The following KCNK9 variants were observed in gnomAD, a reference collection of about 807,000 sequenced individuals.
KCNK9 encodes the protein potassium channel subfamily K member 9.
Under a neutral mutation model 10.8 loss-of-function variants are expected in KCNK9, and 1 was observed. The observed-to-expected ratio is 0.09, with a 90% CI of 0.03 to 0.44. The LOEUF (loss-of-function observed/expected upper bound fraction) is 0.44. KCNK9 is among the 20% of genes least tolerant of loss of function. The pLI is 0.97. For missense variants in KCNK9, 303 were observed against 515.0 expected (o/e 0.59, Z 3.98); for synonymous variants, 231 against 222.7 (o/e 1.04, Z -0.33).
chr8:139,696,477 T>C lies in KCNK9; in HGVS notation c.283+6233A>G, dbSNP rs1046847625. The stretch of plus-strand genomic sequence containing the variant: ...TCTTGGAGATCCTTCATGGAGGCCA[T>C]TGAGGCATTAACACTGAGGCTCTAA... On this transcript the variant is annotated intron_variant, in intron 1 of 1. Coordinates refer to ENST00000520439, the MANE Select transcript of KCNK9 (RefSeq NM_001282534.2). Among the ~76,000 whole-genome samples, 9 of 152,306 alleles carry C rather than the reference T, an allele frequency of 5.9e-5. No individual in the cohort carries two copies. The South Asian group carries it at 1.2e-3, about 21-fold the overall frequency.
At chr8:139,633,621 G>T (rs1278055054) in intron 1 of KCNK9, among the ~76,000 whole-genome samples, 1 of 152,186 alleles carries the variant, frequency 6.6e-6, no homozygotes, top group Non-Finnish European at 1.5e-5. Context: ...CAGCCCAGAG[G>T]CCCGGCTCTC....
At chr8:139,661,693 G>T (rs914112107) in intron 1 of KCNK9, among the ~76,000 whole-genome samples, 1 of 152,210 alleles carries the variant, frequency 6.6e-6, no homozygotes, top group Admixed American at 6.5e-5. Flanking sequence ...AGGCCAACAG[G>T]GACTGGTGTC....
intron 1 of KCNK9, among the ~76,000 whole-genome samples, chr8:139,629,573 T>A (rs1815096206): frequency 6.6e-6 from 1 of 152,082 alleles, no homozygotes; most frequent in Non-Finnish European, 1.5e-5. Flanking sequence ...CTTAGTCAGC[T>A]CAAGCTGGGC....
chr8:139,632,397 C>T (rs1179604863), intron 1 of KCNK9, among the ~76,000 whole-genome samples: 1 of 152,202 alleles, frequency 6.6e-6, no homozygotes, highest in Non-Finnish European at 1.5e-5. Context: ...TGGCTTCCAC[C>T]AGGGCCTCCC....
chr8:139,609,500 A>C (rs1171302725), downstream of KCNK9, among the ~76,000 whole-genome samples: 1 of 152,228 alleles, frequency 6.6e-6, no homozygotes, highest in East Asian at 1.9e-4. Context: ...CAGCTGCTTC[A>C]GGCCAAGCCC....
At chr8:139,647,515 G>A (rs112990710) in intron 1 of KCNK9, among the ~76,000 whole-genome samples, 2,197 of 152,326 alleles carry the variant, frequency 0.014, 31 homozygotes, top group Middle Eastern at 0.034. Flanking sequence ...ATGGCTAGAC[G>A]TGCACGCGGC....
chr8:139,675,489 G>T (rs919269113), intron 1 of KCNK9, among the ~76,000 whole-genome samples: 2 of 152,184 alleles, frequency 1.3e-5, no homozygotes, highest in African/African-American at 4.8e-5. Flanking sequence ...CAGAAAGCCA[G>T]CTCACTCTTT....
Position 139,629,527 on chromosome 8 carries a change from G to A in KCNK9, c.284-10428C>T, listed in dbSNP as rs146945166. The stretch of plus-strand genomic sequence containing the variant: ...CGGAATGTGTTCAGCCTTAAAGAGA[G>A]ATGCAGTCCTGACGGGCATTACAGT... On this transcript the variant is annotated intron_variant, in intron 1 of 1. Coordinates refer to ENST00000520439, the MANE Select transcript of KCNK9 (RefSeq NM_001282534.2). Among the ~76,000 whole-genome samples, 332 of 152,362 alleles carry A rather than the reference G, an allele frequency of 2.2e-3. 2 individuals carry two copies. Among genetic ancestry groups the A allele is most frequent in the African/African-American group, 7.6e-3 (315 of 41,586 alleles).
In KCNK9 at chr8:139,618,894, G is replaced by T; in HGVS notation, c.489C>A (p.Gly163=). The T allele has an allele frequency of 1.9e-6, 3 of 1,614,224 alleles. No individual in the cohort carries two copies. Among genetic ancestry groups the T allele is most frequent in the Non-Finnish European group, 2.5e-6 (3 of 1,180,034 alleles). The change falls in exon 2 of 2, where the codon GGC becomes GGA. Residue 163 remains glycine, a synonymous_variant. Transcript: ENST00000520439. The surrounding 1 kb of genome is among the most constrained non-coding windows in gnomAD (Gnocchi z 7.9). ...DVSMENMVTV[G]FFSCMGTLCI... is the part of the protein sequence containing the mutation. ...ACAGCGTCCCCATGCAGGAGAAGAA[G>T]CCCACAGTCACCATGTTCTCCATAG... is the stretch of plus-strand genomic sequence containing the variant.
intron 1 of KCNK9, among the ~76,000 whole-genome samples, chr8:139,697,869 C>G (rs766503929): frequency 1.3e-5 from 2 of 152,128 alleles, no homozygotes; most frequent in African/African-American, 2.4e-5. Context: ...CAGAGCAGAG[C>G]GAGCCCAGGT....
chr8:139,700,520 G>A (rs74894858), intron 1 of KCNK9, among the ~76,000 whole-genome samples: 10,925 of 141,068 alleles, frequency 0.077, 446 homozygotes, highest in Non-Finnish European at 0.1. Flanking sequence ...GCGCGCGCGC[G>A]CACACACACA....
intron 1 of KCNK9, among the ~76,000 whole-genome samples, chr8:139,631,104 C>T (rs1815158870): frequency 6.6e-6 from 1 of 152,220 alleles, no homozygotes; most frequent in African/African-American, 2.4e-5. Context: ...GGGTCGGCCG[C>T]CCACGTTTTC....
At chr8:139,630,079 C>A (rs377471009) in intron 1 of KCNK9, among the ~76,000 whole-genome samples, 1 of 151,044 alleles carries the variant, frequency 6.6e-6, no homozygotes, top group African/African-American at 2.4e-5. Flanking sequence ...GCGTGGGGGG[C>A]GGCGCGAAAG....
At chr8:139,670,623 G>A (rs1276909185) in intron 1 of KCNK9, among the ~76,000 whole-genome samples, 1 of 152,064 alleles carries the variant, frequency 6.6e-6, no homozygotes, top group Non-Finnish European at 1.5e-5. Context: ...GTTTCGGAGA[G>A]GATCCATTCT....
At chr8:139,648,810 G>A (rs922969876) in intron 1 of KCNK9, among the ~76,000 whole-genome samples, 43 of 152,230 alleles carry the variant, frequency 2.8e-4, no homozygotes, top group African/African-American at 8.9e-4. Context: ...GACACGTGCC[G>A]TGGGCAGATG....
chr8:139,684,096 C>T lies in KCNK9; in HGVS notation c.283+18614G>A, dbSNP rs115272667. Among the ~76,000 whole-genome samples, 658 of 152,290 alleles carry T rather than the reference C, an allele frequency of 4.3e-3. 6 individuals are homozygous for T. Among genetic ancestry groups the T allele is most frequent in the African/African-American group, 0.015 (624 of 41,554 alleles). The stretch of plus-strand genomic sequence containing the variant: ...GGTCCCAGGTGGTCCTGGACAGTGT[C>T]CCCAGAGACCACACCATCACTCACT... On this transcript the variant is annotated intron_variant, in intron 1 of 1. Coordinates refer to ENST00000520439, the MANE Select transcript of KCNK9 (RefSeq NM_001282534.2).
At chr8:139,663,668 T>TGA (rs1240052350) in intron 1 of KCNK9, among the ~76,000 whole-genome samples, 1 of 150,828 alleles carries the variant, frequency 6.6e-6, no homozygotes, top group Non-Finnish European at 1.5e-5. Context: ...TGTGTGTGTG[T>TGA]GTGTGTGTGT....
At position 139,693,743 on chromosome 8, in the gene KCNK9, G is replaced by A. The variant is rs1816986284; in HGVS notation, c.283+8967C>T. 6.6e-6 allele frequency among the ~76,000 whole-genome samples: 1 copy of A among 152,180 alleles called. No homozygotes were observed. Among genetic ancestry groups the A allele is most frequent in the Admixed American group, 6.5e-5 (1 of 15,272 alleles). On this transcript the variant is annotated intron_variant, in intron 1 of 1. Transcript: ENST00000520439. The surrounding 1 kb of genome is among the most constrained non-coding windows in gnomAD (Gnocchi z 4.1). Reference sequence around the variant, plus strand: ...GGTGTGGGAACAGGGCCTGAGCGGGGCTGGAGGATGAAAAGGGCTGCAAGC... The same window carrying A: ...GGTGTGGGAACAGGGCCTGAGCGGGACTGGAGGATGAAAAGGGCTGCAAGC...
At chr8:139,649,668 C>T (rs1439146570) in intron 1 of KCNK9, among the ~76,000 whole-genome samples, 1 of 152,230 alleles carries the variant, frequency 6.6e-6, no homozygotes, top group South Asian at 2.1e-4. Context: ...ACCTGCAAGA[C>T]AACAGGGTCT....
Sources: gnomAD v4.1 joint callset for allele counts (sites outside exome capture counted in the v4.1 genomes callset) on GRCh38, gnomAD v4.1.1 for gene constraint, Gnocchi (gnomAD v3.1) non-coding constraint, MANE v1.5 for transcripts, NCBI Gene and HGNC (gene_info 2026-07-23, HGNC 2026-07-21) for gene names.